The following SF3A1 variants were observed in gnomAD, a reference collection of about 807,000 sequenced individuals.
SF3A1 encodes the protein splicing factor 3a subunit 1.
Under a neutral mutation model 89.9 loss-of-function variants are expected in SF3A1, and 13 were observed. That is an observed-to-expected ratio of 0.14 (90% CI 0.09 to 0.23). The LOEUF (loss-of-function observed/expected upper bound fraction) is 0.23. Among genes scored for constraint, SF3A1 ranks in the 10% least tolerant of loss-of-function variants. The pLI, the probability that SF3A1 is intolerant of heterozygous loss-of-function variation, is 1.00. For synonymous variants in SF3A1, 405 were observed against 374.4 expected (o/e 1.08, Z -0.94); for missense variants, 604 against 1,022.1 (o/e 0.59, Z 5.58).
intron 5 of SF3A1, 35 bp downstream of exon 5, chr22:30,342,770 C>A (rs1397522653): frequency 7.5e-7 from 1 of 1,324,846 alleles, no homozygotes; most frequent in East Asian, 2.3e-5. Context: ...AACCAACCAC[C>A]AGTAACTGGT....
intron 9 of SF3A1, 138 bp from the exon 10 acceptor site, chr22:30,339,389 C>G: frequency 9.3e-7 from 1 of 1,070,252 alleles, no homozygotes; most frequent in Non-Finnish European, 1.4e-6. Flanking sequence ...CAACTCTTGT[C>G]CTCTGGGCTC....
At chr22:30,346,099 C>T (rs1271829512) in intron 3 of SF3A1, 1 of 573,192 alleles carries the variant, frequency 1.7e-6, no homozygotes, top group East Asian at 2.9e-5. Flanking sequence ...TCCTGAAGTA[C>T]CAAGCACAGA....
chr22:30,340,932 T>C, intron 7 of SF3A1, 120 bp from the exon 8 acceptor site: 1 of 665,012 alleles, frequency 1.5e-6, no homozygotes, highest in South Asian at 1.8e-5. Context: ...GTCCATGTGC[T>C]AAGCCTCCCA....
At chr22:30,341,139 A>G (rs976295478) in intron 7 of SF3A1, among the ~76,000 whole-genome samples, 3 of 152,222 alleles carry the variant, frequency 2.0e-5, no homozygotes, top group Non-Finnish European at 4.4e-5. Context: ...CGAGTCGCCA[A>G]TCAATGGTAG....
At chr22:30,338,173 C>A (rs1931134977) in intron 11 of SF3A1, among the ~76,000 whole-genome samples, 1 of 152,050 alleles carries the variant, frequency 6.6e-6, no homozygotes, top group Non-Finnish European at 1.5e-5. Flanking sequence ...GAGGCTGAGA[C>A]CTTGGCCAGG....
chr22:30,341,274 A>G (rs369737266), intron 7 of SF3A1, among the ~76,000 whole-genome samples: 2 of 152,284 alleles, frequency 1.3e-5, no homozygotes, highest in South Asian at 4.1e-4. Flanking sequence ...TGGAGACTCC[A>G]TGCCTGCTTA....
chr22:30,334,793 C>T, intron 15 of SF3A1, 98 bp from the exon 16 acceptor site: 1 of 790,038 alleles, frequency 1.3e-6, no homozygotes, highest in Non-Finnish European at 2.1e-6. Context: ...GCGCTCTGGA[C>T]TTAGCAAATA....
At chr22:30,344,898 G>A in intron 4 of SF3A1, 35 bp downstream of exon 4, 1 of 1,601,242 alleles carries the variant, frequency 6.2e-7, no homozygotes, top group Non-Finnish European at 8.5e-7. Flanking sequence ...TTCCTTTCCT[G>A]GGCCCAGGAC....
intron 3 of SF3A1, 29 bp downstream of exon 3, chr22:30,346,283 G>T (rs531932602): frequency 1.0e-5 from 15 of 1,455,894 alleles, no homozygotes; most frequent in Non-Finnish European, 1.4e-5. Flanking sequence ...CAAGCCCTGC[G>T]TAAGTGAAGG....
chr22:30,342,588 G>A (rs989743481), intron 5 of SF3A1: 2 of 626,390 alleles, frequency 3.2e-6, no homozygotes, highest in African/African-American at 3.7e-5. Context: ...GAGTGGAAAA[G>A]AGGGAGATAT....
chr22:30,342,375 T>A, intron 5 of SF3A1, 25 bp from the exon 6 acceptor site: 5 of 1,577,396 alleles, frequency 3.2e-6, no homozygotes, highest in Non-Finnish European at 4.3e-6. Flanking sequence ...AACAGCTTGG[T>A]GCTACGCTGA....
intron 8 of SF3A1, 51 bp from the exon 9 acceptor site, chr22:30,340,432 G>T: frequency 6.4e-7 from 1 of 1,562,988 alleles, no homozygotes; most frequent in Non-Finnish European, 8.8e-7. Flanking sequence ...AGCCACCTGA[G>T]TTAAGAGGGT....
chr22:30,355,511 G>A (rs1931764569), intron 1 of SF3A1, among the ~76,000 whole-genome samples: 1 of 152,174 alleles, frequency 6.6e-6, no homozygotes, highest in Admixed American at 6.5e-5. Flanking sequence ...CCACACGTCT[G>A]CCTACCTGAA....
At position 30,346,221 on chromosome 22, in the gene SF3A1, T is replaced by G. The variant is rs1490129875; in HGVS notation, c.393+91A>C. On this transcript the variant is annotated intron_variant, in intron 3 of 15. Coordinates refer to ENST00000215793, the MANE Select transcript of SF3A1 (RefSeq NM_005877.6). ...CGACCTCACTTCTCTCCCTGGGTGG[T>G]TGTGAGATTTGGAGTTAATTGTGTA... 127 of 867,056 alleles carry G rather than the reference T, an allele frequency of 1.5e-4. 2 individuals carry two copies. The highest frequency in any genetic ancestry group is 1.4e-3 in the South Asian group (90 of 64,198). 53.7% of individuals were successfully genotyped at this position (867,056 alleles called of 1,614,324 possible). A position where few individuals can be genotyped will look rare whatever the true frequency, so the allele number is the denominator to read the frequency against.
chr22:30,351,298 A>AT (rs994115057), intron 2 of SF3A1, among the ~76,000 whole-genome samples: 2 of 151,718 alleles, frequency 1.3e-5, no homozygotes, highest in African/African-American at 2.4e-5. Context: ...ACTCCATGTC[A>AT]TTTAAAAAAA....
intron 12 of SF3A1, 147 bp downstream of exon 12, chr22:30,337,543 G>A (rs771823412): frequency 1.4e-6 from 1 of 703,658 alleles, no homozygotes; most frequent in Non-Finnish European, 2.6e-6. Context: ...TAGGGTTGCG[G>A]ATCTTTCAAT....
chr22:30,337,264 T>A, intron 12 of SF3A1, 84 bp from the exon 13 acceptor site: 1 of 1,302,030 alleles, frequency 7.7e-7, no homozygotes, highest in Non-Finnish European at 1.1e-6. Flanking sequence ...GAGGGAAGGT[T>A]GCAAAGGTTT....
chr22:30,356,726 G>A lies in SF3A1; in HGVS notation c.63+4C>T. ...CTGCAGGCTGAGGGGCGGGGGAGAG[G>A]TACCTGTTTGGGCTCCGTGGGCACG... On this transcript the variant is annotated splice_donor_region_variant and intron_variant, in intron 1 of 15. Transcript: ENST00000215793. The A allele has an allele frequency of 1.3e-6, 2 of 1,490,866 alleles. No homozygotes were observed. The highest frequency in any genetic ancestry group is 9.0e-7 in the Non-Finnish European group (1 of 1,116,452). The allele number at this position is 1,490,866 out of a possible 1,614,324, so 92.4% of individuals were successfully genotyped here. A position where few individuals can be genotyped will look rare whatever the true frequency, so the allele number is the denominator to read the frequency against.
At position 30,340,622 on chromosome 22, in the gene SF3A1, G is replaced by A. The variant is rs187725633; in HGVS notation, c.1189+73C>T. 8.3e-5 allele frequency: 80 copies of A among 966,412 alleles called. 1 individual carries two copies. Among genetic ancestry groups the A allele is most frequent in the East Asian group, 5.1e-4 (21 of 41,450 alleles). 59.9% of individuals were successfully genotyped at this position (966,412 alleles called of 1,614,324 possible). On this transcript the variant is annotated intron_variant, in intron 8 of 15. Transcript: ENST00000215793. ...GCACCTCAAGCCCTCCTAGAAAGACGGGTGTGAGGAACACATGAGGGCACA... is the reference window on the plus strand; with the variant it reads ...GCACCTCAAGCCCTCCTAGAAAGACAGGTGTGAGGAACACATGAGGGCACA...
Sources: allele counts gnomAD v4.1 joint callset (sites outside exome capture counted in the v4.1 genomes callset), GRCh38; gene constraint gnomAD v4.1.1; transcripts MANE v1.5; gene names NCBI Gene and HGNC (gene_info 2026-07-23, HGNC 2026-07-21).